The following C7orf33 variants were observed in gnomAD, a reference collection of about 807,000 sequenced individuals.
C7orf33 encodes chromosome 7 open reading frame 33, also known as uncharacterized protein C7orf33.
A neutral mutation model predicts 13.4 loss-of-function variants in C7orf33; 15 were observed. The observed-to-expected ratio is 1.12, with a 90% CI of 0.75 to 1.72. The LOEUF is 1.72. Ranked by LOEUF, C7orf33 falls within the 40% of genes most tolerant of loss-of-function variation. C7orf33 has a pLI of 0.00. For synonymous variants in C7orf33, 73 were observed against 83.2 expected (o/e 0.88, Z 0.67); for missense variants, 187 against 220.3 (o/e 0.85, Z 0.96).
At chr7:148,610,647 A>G (rs1796526932) in intron 1 of C7orf33, among the ~76,000 whole-genome samples, 1 of 152,080 alleles carries the variant, frequency 6.6e-6, no homozygotes, top group Middle Eastern at 3.2e-3. Context: ...GAGGAGGGAG[A>G]TCACTTCTGA....
At chr7:148,614,357 C>A in intron 2 of C7orf33, 61 bp downstream of exon 2, 1 of 1,534,264 alleles carries the variant, frequency 6.5e-7, no homozygotes, top group Non-Finnish European at 8.9e-7. Flanking sequence ...TGCTCTGAAA[C>A]TTCCATGAAA....
chr7:148,612,781 A>T (rs1796559285), intron 1 of C7orf33, among the ~76,000 whole-genome samples: 1 of 151,850 alleles, frequency 6.6e-6, no homozygotes, highest in Admixed American at 6.6e-5. Context: ...ACCCTCATGC[A>T]TTGCCAGTGG....
chr7:148,603,275 C>G (rs1370903294), intron 1 of C7orf33, among the ~76,000 whole-genome samples: 3 of 152,078 alleles, frequency 2.0e-5, no homozygotes, highest in Non-Finnish European at 2.9e-5. Context: ...CCAGGCTGAT[C>G]TGGCTACTAA....
At chr7:148,595,644 AG>A in intron 1 of C7orf33, among the ~76,000 whole-genome samples, 1 of 79,518 alleles carries the variant, frequency 1.3e-5, no homozygotes, top group African/African-American at 1.2e-4. Context: ...TATATTATAT[AG>A]ATATAATATA....
At chr7:148,608,184 T>A (rs1796495162) in intron 1 of C7orf33, among the ~76,000 whole-genome samples, 2 of 152,170 alleles carry the variant, frequency 1.3e-5, no homozygotes, top group Non-Finnish European at 2.9e-5. Context: ...TTCCCAGCAC[T>A]TTTGGGAGGC....
chr7:148,593,932 G>C lies in C7orf33; in HGVS notation c.204+2803G>C, dbSNP rs114746649. On this transcript the variant is annotated intron_variant, in intron 1 of 2. Coordinates refer to ENST00000307003, the MANE Select transcript of C7orf33 (RefSeq NM_145304.4). ...CATGGGGGTGGATTTGTCATGAATA[G>C]TTTAGCGCCATCCTCTTGGTGCTGT... 9.6e-3 allele frequency among the ~76,000 whole-genome samples: 1,460 copies of C among 152,292 alleles called. 19 individuals are homozygous for C. The highest frequency in any genetic ancestry group is 0.034 in the African/African-American group (1,393 of 41,560).
At chr7:148,611,030 G>C (rs1279878709) in intron 1 of C7orf33, among the ~76,000 whole-genome samples, 3 of 152,206 alleles carry the variant, frequency 2.0e-5, no homozygotes, top group Admixed American at 1.3e-4. Context: ...GGAGATGACA[G>C]AGTGAGAGGA....
chr7:148,606,245 T>A (rs1213118996), intron 1 of C7orf33, among the ~76,000 whole-genome samples: 1 of 152,196 alleles, frequency 6.6e-6, no homozygotes, highest in Non-Finnish European at 1.5e-5. Flanking sequence ...AAAATATTTA[T>A]CAAGTACCTT....
intron 1 of C7orf33, among the ~76,000 whole-genome samples, chr7:148,601,541 C>T (rs1445092949): frequency 6.6e-6 from 1 of 151,902 alleles, no homozygotes; most frequent in Non-Finnish European, 1.5e-5. Context: ...GAAACAGGGT[C>T]TCACCATGTT....
At chr7:148,612,250 G>A (rs930631356) in intron 1 of C7orf33, among the ~76,000 whole-genome samples, 7 of 151,896 alleles carry the variant, frequency 4.6e-5, no homozygotes, top group African/African-American at 1.7e-4. Flanking sequence ...TTGGTTCTAA[G>A]TATCTTATTT....
At chr7:148,594,164 C>A (rs914695007) in intron 1 of C7orf33, among the ~76,000 whole-genome samples, 1 of 150,242 alleles carries the variant, frequency 6.7e-6, no homozygotes, top group Non-Finnish European at 1.5e-5. Flanking sequence ...CCAATTAAAC[C>A]TCTTTTCTTT....
chr7:148,599,767 C>G (rs1796392145), intron 1 of C7orf33, among the ~76,000 whole-genome samples: 1 of 152,144 alleles, frequency 6.6e-6, no homozygotes, highest in African/African-American at 2.4e-5. Flanking sequence ...GCCACCACGC[C>G]CAGCCTAGAA....
chr7:148,613,466 T>G (rs1037320800), intron 1 of C7orf33, among the ~76,000 whole-genome samples: 2 of 152,240 alleles, frequency 1.3e-5, no homozygotes, highest in African/African-American at 4.8e-5. Flanking sequence ...ACCTATATAA[T>G]AAACTATTAC....
At chr7:148,597,881 G>A (rs532281919) in intron 1 of C7orf33, among the ~76,000 whole-genome samples, 4 of 152,078 alleles carry the variant, frequency 2.6e-5, no homozygotes, top group South Asian at 2.1e-4. Flanking sequence ...TTAGCCTCCC[G>A]AGTAGCTGGG....
Position 148,591,014 on chromosome 7 carries a change from G to C in C7orf33, c.89G>C (p.Ser30Thr), listed in dbSNP as rs769524388. ...PQCECEALLPSGARRRIDLRL... is the reference protein window; with the variant it reads ...PQCECEALLPTGARRRIDLRL... The stretch of plus-strand genomic sequence containing the variant: ...TGTGAATGTGAAGCCCTCCTGCCCA[G>C]TGGGGCAAGGCGCCGGATTGACCTT... The change falls in exon 1 of 3, where the codon AGT (serine) becomes ACT (threonine). Residue 30 changes from serine (S) to threonine (T), a missense_variant. Transcript: ENST00000307003. The C allele has an allele frequency of 6.2e-7, 1 of 1,614,176 alleles. No individual in the cohort carries two copies. The highest frequency in any genetic ancestry group is 8.5e-7 in the Non-Finnish European group (1 of 1,180,018).
intron 1 of C7orf33, among the ~76,000 whole-genome samples, chr7:148,597,173 C>CAT (rs553681954): frequency 0.011 from 1,585 of 150,350 alleles, 21 homozygotes; most frequent in South Asian, 0.023. Flanking sequence ...CATTTGGATA[C>CAT]ATATATATAT....
chr7:148,602,504 A>T (rs1370550900), intron 1 of C7orf33, among the ~76,000 whole-genome samples: 1 of 152,190 alleles, frequency 6.6e-6, no homozygotes, highest in Admixed American at 6.5e-5. Context: ...AGGCTGAGAC[A>T]TGAGAATTGC....
intron 1 of C7orf33, among the ~76,000 whole-genome samples, chr7:148,607,778 G>A (rs1391970918): frequency 6.6e-6 from 1 of 152,086 alleles, no homozygotes; most frequent in Non-Finnish European, 1.5e-5. Context: ...AAGCGTATCG[G>A]GTTTAAATAT....
At chr7:148,599,195 G>T (rs1036485928) in intron 1 of C7orf33, among the ~76,000 whole-genome samples, 3 of 152,032 alleles carry the variant, frequency 2.0e-5, no homozygotes, top group African/African-American at 7.2e-5. Context: ...ATGCAGAATG[G>T]TCTACTTTCT....
Sources: gnomAD v4.1 joint callset for allele counts (sites outside exome capture counted in the v4.1 genomes callset) on GRCh38, gnomAD v4.1.1 for gene constraint, MANE v1.5 for transcripts, NCBI Gene and HGNC (gene_info 2026-07-23, HGNC 2026-07-21) for gene names.